Variants in TMEM132D observed in about 807,000 individuals in gnomAD.
TMEM132D encodes mature OL transmembrane protein.
A neutral mutation model predicts 62.3 loss-of-function variants in TMEM132D; 21 were observed. The observed-to-expected ratio is 0.34, with a 90% CI of 0.24 to 0.49. TMEM132D has a LOEUF of 0.49. Ranked by LOEUF, TMEM132D falls within the 20% of genes least tolerant of loss-of-function variation. The pLI is 0.99. For missense variants in TMEM132D, 1,346 were observed against 1,402.8 expected, an observed-to-expected ratio of 0.96 and a Z score of 0.65; for synonymous variants, 621 against 575.6, an observed-to-expected ratio of 1.08 and a Z score of -1.13.
At chr12:129,174,267 C>A (rs1448369273) in intron 5 of TMEM132D, among the ~76,000 whole-genome samples, 1 of 152,126 alleles carries the variant, frequency 6.6e-6, no homozygotes, top group African/African-American at 2.4e-5. Context: ...TGTTTTGTTC[C>A]CCTCCCTGTG....
chr12:129,171,632 A>C (rs1198124486), intron 5 of TMEM132D, among the ~76,000 whole-genome samples: 1 of 152,210 alleles, frequency 6.6e-6, no homozygotes, highest in Non-Finnish European at 1.5e-5. Flanking sequence ...TGCAGAGTGG[A>C]TGTTGTGTTG....
chr12:129,615,384 C>T (rs950760706), intron 2 of TMEM132D, among the ~76,000 whole-genome samples: 5 of 151,670 alleles, frequency 3.3e-5, no homozygotes, highest in Non-Finnish European at 7.4e-5. Flanking sequence ...TTCAGTTCAT[C>T]GTCACAGATA....
chr12:129,674,206 A>G (rs549119030), intron 2 of TMEM132D, among the ~76,000 whole-genome samples: 1 of 152,326 alleles, frequency 6.6e-6, no homozygotes, highest in South Asian at 2.1e-4. Flanking sequence ...AAAGATTTGA[A>G]ATAGGCCCTG....
chr12:129,721,587 C>T (rs186893580), intron 1 of TMEM132D, among the ~76,000 whole-genome samples: 342 of 152,200 alleles, frequency 2.2e-3, no homozygotes, highest in Non-Finnish European at 3.8e-3. Context: ...TCACCAAGCC[C>T]GTCCTCTCCC....
At chr12:129,433,422 ATT>A (rs1247981413) in intron 3 of TMEM132D, among the ~76,000 whole-genome samples, 2 of 152,192 alleles carry the variant, frequency 1.3e-5, no homozygotes, top group Non-Finnish European at 2.9e-5. Flanking sequence ...AATTGGTAAT[ATT>A]TGATATAAAA....
At chr12:129,354,610 C>A (rs553332581) in intron 3 of TMEM132D, among the ~76,000 whole-genome samples, 2 of 152,190 alleles carry the variant, frequency 1.3e-5, no homozygotes, top group Admixed American at 6.5e-5. Context: ...GCGTGAGCCA[C>A]TGCGCCCAGT....
intron 4 of TMEM132D, among the ~76,000 whole-genome samples, chr12:129,314,150 G>A (rs1286780171): frequency 5.3e-5 from 8 of 151,674 alleles, no homozygotes; most frequent in African/African-American, 7.3e-5. Flanking sequence ...CCCCTCTGTG[G>A]TATGTCTGCT....
intron 3 of TMEM132D, among the ~76,000 whole-genome samples, chr12:129,511,324 A>C (rs979139536): frequency 4.6e-5 from 7 of 152,164 alleles, no homozygotes; most frequent in African/African-American, 1.7e-4. Context: ...AGTCAGCCCC[A>C]ATTTTTTTTG....
chr12:129,750,305 C>T (rs571444254), intron 1 of TMEM132D, among the ~76,000 whole-genome samples: 414 of 152,202 alleles, frequency 2.7e-3, no homozygotes, highest in Non-Finnish European at 4.6e-3. Context: ...AGGATGGTCT[C>T]GATCTCCTGA....
In TMEM132D at chr12:129,765,689, T is replaced by A. The variant is rs75597762; in HGVS notation, c.80-64991A>T. Among the ~76,000 whole-genome samples, 842 of 152,354 alleles carry A rather than the reference T, an allele frequency of 5.5e-3. 5 individuals carry two copies. The highest frequency in any genetic ancestry group is 7.7e-3 in the Non-Finnish European group (525 of 68,034). ...TGGATACCCTTGTGTGCTTCCTTTTTACATGTGTTTCAATATCACCCATCT... is the reference window on the plus strand; with the variant it reads ...TGGATACCCTTGTGTGCTTCCTTTTAACATGTGTTTCAATATCACCCATCT... On this transcript the variant is annotated intron_variant, in intron 1 of 8. Transcript: ENST00000422113.
At chr12:129,169,000 C>G (rs2135545511) in intron 5 of TMEM132D, among the ~76,000 whole-genome samples, 1 of 152,338 alleles carries the variant, frequency 6.6e-6, no homozygotes, top group African/African-American at 2.4e-5. Flanking sequence ...TTGTATCACT[C>G]TAAGAATCTA....
intron 3 of TMEM132D, among the ~76,000 whole-genome samples, chr12:129,442,877 G>A (rs544504271): frequency 6.6e-6 from 1 of 152,250 alleles, no homozygotes; most frequent in African/African-American, 2.4e-5. Context: ...GCCATGGTGT[G>A]CTGCCGAGGT....
rs78596530 is a variant in TMEM132D, at chr12:129,792,131, G to A, written c.80-91433C>T. Among the ~76,000 whole-genome samples the A allele has an allele frequency of 7.2e-3, 1,095 of 152,256 alleles. 14 individuals are homozygous for A. Among genetic ancestry groups the A allele is most frequent in the African/African-American group, 0.025 (1,050 of 41,554 alleles). The stretch of plus-strand genomic sequence containing the variant: ...GCAAGAGAGATACATGACTGATTCC[G>A]GGAGGGACTGAACATCCCACTGTCA... On this transcript the variant is annotated intron_variant, in intron 1 of 8. Coordinates refer to ENST00000422113, the MANE Select transcript of TMEM132D (RefSeq NM_133448.3).
chr12:129,228,000 G>A (rs762113210), intron 4 of TMEM132D, among the ~76,000 whole-genome samples: 3 of 152,130 alleles, frequency 2.0e-5, no homozygotes, highest in Non-Finnish European at 4.4e-5. Context: ...TGAGGCTAAG[G>A]CTGCCTGGGC....
intron 3 of TMEM132D, among the ~76,000 whole-genome samples, chr12:129,404,967 G>T (rs1390444391): frequency 6.6e-6 from 1 of 152,144 alleles, no homozygotes; most frequent in South Asian, 2.1e-4. Flanking sequence ...TAAGCATAGG[G>T]CTATAAGATA....
rs1875033329 is a variant in TMEM132D at position 129,498,561 on chromosome 12, A to C, written c.1115+32498T>G. On this transcript the variant is annotated intron_variant, in intron 3 of 8. Coordinates refer to ENST00000422113, the MANE Select transcript of TMEM132D (RefSeq NM_133448.3). Reference sequence around the variant, plus strand: ...GAGCCTGTCCAAAATCTTTATGAATAGAAACAATGCTAACTGTAATTTCCA... The same window carrying C: ...GAGCCTGTCCAAAATCTTTATGAATCGAAACAATGCTAACTGTAATTTCCA... Among the ~76,000 whole-genome samples, 3 of 152,310 alleles carry C rather than the reference A, an allele frequency of 2.0e-5. No individual in the cohort carries two copies. The South Asian group carries it at 6.2e-4, about 32-fold the overall frequency.
chr12:129,194,031 T>A (rs1346513514), intron 5 of TMEM132D, among the ~76,000 whole-genome samples: 3 of 152,226 alleles, frequency 2.0e-5, no homozygotes, highest in Admixed American at 6.5e-5. Context: ...CCTTCAGGGG[T>A]TAGGAAGCAA....
At chr12:129,269,186 T>C (rs1880784192) in intron 4 of TMEM132D, among the ~76,000 whole-genome samples, 1 of 152,184 alleles carries the variant, frequency 6.6e-6, no homozygotes, top group Non-Finnish European at 1.5e-5. Flanking sequence ...CTTCCCTCTT[T>C]TTTTTATTCT....
intron 5 of TMEM132D, among the ~76,000 whole-genome samples, chr12:129,140,574 C>A (rs969775968): frequency 6.6e-6 from 1 of 152,140 alleles, no homozygotes; most frequent in Non-Finnish European, 1.5e-5. Flanking sequence ...CATGGTGGCT[C>A]CTGCCTGTAA....
Sources: gnomAD v4.1 joint callset for allele counts (sites outside exome capture counted in the v4.1 genomes callset) on GRCh38, gnomAD v4.1.1 for gene constraint, MANE v1.5 for transcripts, NCBI Gene and HGNC (gene_info 2026-07-23, HGNC 2026-07-21) for gene names.